Variants in PRR16 observed in about 807,000 individuals in gnomAD.
PRR16 encodes protein Largen.
PRR16 carries 6 observed loss-of-function variants against 18.2 expected under a neutral mutation model. That is an observed-to-expected ratio of 0.33 (90% CI 0.18 to 0.65). PRR16 has a LOEUF of 0.65. Among genes scored for constraint, PRR16 ranks in the 30% least tolerant of loss-of-function variants. PRR16 has a pLI of 0.74. For missense variants in PRR16, 412 were observed against 376.6 expected (o/e 1.09, Z -0.78); for synonymous variants, 151 against 147.8 (o/e 1.02, Z -0.16).
At chr5:120,696,268 T>C in the PRR16 span, among the ~76,000 whole-genome samples, 1 of 151,912 alleles carries the variant, frequency 6.6e-6, no homozygotes, top group African/African-American at 2.4e-5. Context: ...AAACCCACAG[T>C]GGTATAATGA....
the PRR16 span, among the ~76,000 whole-genome samples, chr5:120,785,644 C>G: frequency 1.4e-5 from 2 of 140,438 alleles, no homozygotes; most frequent in Non-Finnish European, 3.0e-5. Flanking sequence ...GCGATCTCAG[C>G]TCACTGCAAC....
At chr5:120,563,255 T>C (rs887883458) in intron 1 of PRR16, among the ~76,000 whole-genome samples, 1 of 152,202 alleles carries the variant, frequency 6.6e-6, no homozygotes, top group South Asian at 2.1e-4. Flanking sequence ...CTACTACTTA[T>C]GTTCACTCAA....
intron 1 of PRR16, among the ~76,000 whole-genome samples, chr5:120,514,476 T>C (rs922454753): frequency 2.0e-5 from 3 of 152,206 alleles, no homozygotes; most frequent in Admixed American, 1.3e-4. Flanking sequence ...ATAAATCCCA[T>C]CTTTAAATTA....
At chr5:120,556,505 G>C (rs1191231781) in intron 1 of PRR16, among the ~76,000 whole-genome samples, 3 of 151,766 alleles carry the variant, frequency 2.0e-5, no homozygotes, top group African/African-American at 7.3e-5. Context: ...GAATTAAACA[G>C]ATGCAAAGCT....
the PRR16 span, among the ~76,000 whole-genome samples, chr5:120,766,641 TTCTAGTAACTGTA>T: frequency 6.5e-4 from 99 of 152,102 alleles, no homozygotes; most frequent in African/African-American, 2.2e-3. Context: ...TGCACTGATT[TTCTAGTAACTGTA>T]ATCCTCAATA....
intron 1 of PRR16, among the ~76,000 whole-genome samples, chr5:120,674,260 G>A (rs560530963): frequency 3.3e-5 from 5 of 151,938 alleles, no homozygotes; most frequent in East Asian, 1.9e-4. Flanking sequence ...CCCCCTGCCC[G>A]CCCTCCAAAA....
chr5:120,552,948 A>T (rs534484658), intron 1 of PRR16, among the ~76,000 whole-genome samples: 15 of 152,038 alleles, frequency 9.9e-5, no homozygotes, highest in Admixed American at 4.6e-4. Flanking sequence ...AACCAGTTAT[A>T]TGATCTTCAC....
intron 1 of PRR16, among the ~76,000 whole-genome samples, chr5:120,572,404 A>C (rs897678041): frequency 6.6e-6 from 1 of 152,200 alleles, no homozygotes; most frequent in African/African-American, 2.4e-5. Flanking sequence ...ATCAGAGTTG[A>C]ACTAATTTTT....
At chr5:120,611,879 T>C (rs1561573533) in intron 1 of PRR16, among the ~76,000 whole-genome samples, 1 of 152,156 alleles carries the variant, frequency 6.6e-6, no homozygotes, top group Non-Finnish European at 1.5e-5. Context: ...TACCGACAGC[T>C]TGCACTGTGC....
intron 1 of PRR16, among the ~76,000 whole-genome samples, chr5:120,669,388 T>A (rs1187456133): frequency 6.6e-6 from 1 of 152,092 alleles, no homozygotes; most frequent in African/African-American, 2.4e-5. Flanking sequence ...CTCTACTTTG[T>A]CATGTATTTG....
At chr5:120,696,965 G>T in the PRR16 span, among the ~76,000 whole-genome samples, 1 of 88,726 alleles carries the variant, frequency 1.1e-5, no homozygotes, top group African/African-American at 3.9e-5. Flanking sequence ...CTTAAAATTT[G>T]ACCTGAACCA....
At chr5:120,689,505 A>T (rs1757185844), downstream of PRR16, among the ~76,000 whole-genome samples, 1 of 152,160 alleles carries the variant, frequency 6.6e-6, no homozygotes, top group Admixed American at 6.6e-5. Flanking sequence ...AAGACCATAA[A>T]CAGAAATGTT....
At chr5:120,607,399 C>G (rs1047647362) in intron 1 of PRR16, among the ~76,000 whole-genome samples, 2 of 151,952 alleles carry the variant, frequency 1.3e-5, no homozygotes, top group Non-Finnish European at 2.9e-5. Flanking sequence ...CTAAAACAAA[C>G]TTTTTATGTT....
chr5:120,615,384 CTT>C (rs10717083), intron 1 of PRR16, among the ~76,000 whole-genome samples: 5,721 of 119,470 alleles, frequency 0.048, 86 homozygotes, highest in African/African-American at 0.081. Flanking sequence ...TCTTTCTTTT[CTT>C]TTTTTTTTTT....
At chr5:120,500,463 G>A (rs773773242) in intron 1 of PRR16, among the ~76,000 whole-genome samples, 3 of 152,124 alleles carry the variant, frequency 2.0e-5, no homozygotes, top group East Asian at 1.9e-4. Context: ...CATTTAGTGC[G>A]TCTGTCTGGA....
chr5:120,755,900 G>T, the PRR16 span, among the ~76,000 whole-genome samples: 1 of 152,080 alleles, frequency 6.6e-6, no homozygotes, highest in South Asian at 2.1e-4. Context: ...TCCAGAGTGG[G>T]AGGGGGCTCA....
At chr5:120,764,350 A>G in the PRR16 span, among the ~76,000 whole-genome samples, 2 of 151,800 alleles carry the variant, frequency 1.3e-5, no homozygotes, top group African/African-American at 2.4e-5. Context: ...TCTTGATGTA[A>G]TATGTCACAT....
chr5:120,690,914 C>CT (rs1352325359), downstream of PRR16, among the ~76,000 whole-genome samples: 1 of 152,162 alleles, frequency 6.6e-6, no homozygotes, highest in Middle Eastern at 3.4e-3. Context: ...ACAAATAACT[C>CT]TCTCTTTAAA....
At chr5:120,648,306 A>T (rs1290666509) in intron 1 of PRR16, among the ~76,000 whole-genome samples, 2 of 151,918 alleles carry the variant, frequency 1.3e-5, no homozygotes, top group Non-Finnish European at 2.9e-5. Flanking sequence ...TTTTTACCTC[A>T]TTTCACTGTT....
Sources: gnomAD v4.1 joint callset for allele counts (sites outside exome capture counted in the v4.1 genomes callset) on GRCh38, gnomAD v4.1.1 for gene constraint, MANE v1.5 for transcripts, NCBI Gene and HGNC (gene_info 2026-07-23, HGNC 2026-07-21) for gene names.